The following LRP1 variants were observed in gnomAD, a reference collection of about 807,000 sequenced individuals.
LRP1 encodes LDL receptor related protein 1, also known as prolow-density lipoprotein receptor-related protein 1.
Under a neutral mutation model 541.5 loss-of-function variants are expected in LRP1, and 51 were observed. That is an observed-to-expected ratio of 0.09 (90% confidence interval 0.08 to 0.12). LRP1 has a LOEUF of 0.12. LRP1 is among the 10% of genes least tolerant of loss of function. LRP1 has a pLI of 1.00. For missense variants in LRP1, 3,878 were observed against 6,376.2 expected (o/e 0.61, Z 13.34); for synonymous variants, 2,219 against 2,470.8 (o/e 0.90, Z 3.02).
chr12:57,191,530 C>T lies in LRP1; in HGVS notation c.7429+18C>T, dbSNP rs1222969887. The T allele has an allele frequency of 6.4e-7, 1 of 1,567,686 alleles. No homozygotes were observed. The highest frequency in any genetic ancestry group is 8.7e-7 in the Non-Finnish European group (1 of 1,153,774). ...CAACAGCTGTGAGTGGGGCTGCCGCCAGCTGCCTCACCCTCCTGCCTGTCG... is the reference window on the plus strand; with the variant it reads ...CAACAGCTGTGAGTGGGGCTGCCGCTAGCTGCCTCACCCTCCTGCCTGTCG... On this transcript the variant is annotated intron_variant, in intron 44 of 88. Coordinates refer to ENST00000243077, the MANE Select transcript of LRP1 (RefSeq NM_002332.3).
Position 57,165,559 on chromosome 12 carries a change from A to G in LRP1, c.2531-246A>G. 2.1e-6 allele frequency: 1 copy of G among 478,302 alleles called. No homozygotes were observed. The highest frequency in any genetic ancestry group is 3.8e-6 in the Non-Finnish European group (1 of 264,534). 29.6% of individuals were successfully genotyped at this position (478,302 alleles called of 1,614,324 possible). A position where few individuals can be genotyped will look rare whatever the true frequency, so the allele number is the denominator to read the frequency against. On this transcript the variant is annotated intron_variant, in intron 15 of 88. Coordinates refer to ENST00000243077, the MANE Select transcript of LRP1 (RefSeq NM_002332.3). This position sits in a 1 kb window ranked among gnomAD's most constrained non-coding sequence, Gnocchi z 4.5. ...ATAGAGGCCATGGGCTCTCTTGGAC[A>G]CCATTTGATTCTCAGGTCACACTGA...
At position 57,208,214 on chromosome 12, in the gene LRP1, G is replaced by GGGGT. The variant is rs1417591000; in HGVS notation, c.12038+2_12038+5dup. On this transcript the variant is annotated frameshift_variant and splice_region_variant, in exon 77 of 89. Transcript: ENST00000243077. LOFTEE classifies it high-confidence loss of function. Reference sequence around the variant, plus strand: ...ACGCCATTGTGGTGGACCCACTGAGGGGGTGGGCAAGGGCCCTGGGGGGAG... The same window carrying GGGGT: ...ACGCCATTGTGGTGGACCCACTGAGGGGGTGGGTGGGCAAGGGCCCTGGGGGGAG... 1 of 1,613,088 alleles carries GGGGT rather than the reference G, an allele frequency of 6.2e-7. No individual in the cohort carries two copies. The highest frequency in any genetic ancestry group is 8.5e-7 in the Non-Finnish European group (1 of 1,179,670).
At chr12:57,208,359 G>A (rs1007532022) in intron 77 of LRP1, 143 bp downstream of exon 77, 27 of 886,128 alleles carry the variant, frequency 3.0e-5, no homozygotes, top group Admixed American at 1.9e-4. Flanking sequence ...GGGTCTTCTC[G>A]GCCACCCCTG....
Position 57,157,011 on chromosome 12 carries a change from A to G in LRP1, c.1561+91A>G, listed in dbSNP as rs375694387. Reference sequence around the variant, plus strand: ...CACAGCCCGGCTGCCTCTGTCTGACATGCAGGGAGATGAAGGAAGTGTCCC... The same window carrying G: ...CACAGCCCGGCTGCCTCTGTCTGACGTGCAGGGAGATGAAGGAAGTGTCCC... On this transcript the variant is annotated intron_variant, in intron 10 of 88. Coordinates refer to ENST00000243077, the MANE Select transcript of LRP1 (RefSeq NM_002332.3). 44 of 1,400,120 alleles carry G rather than the reference A, an allele frequency of 3.1e-5. 1 individual carries two copies. The African/African-American group carries it at 4.8e-4, about 15-fold the overall frequency. 86.7% of individuals were successfully genotyped at this position (1,400,120 alleles called of 1,614,324 possible). A position where few individuals can be genotyped will look rare whatever the true frequency, so the allele number is the denominator to read the frequency against.
chr12:57,208,756 G>A lies in LRP1; in HGVS notation c.12084G>A (p.Thr4028=), dbSNP rs149291689. Residue 4028 remains threonine, a synonymous_variant, in exon 78 of 89, where the codon ACG becomes ACA. Transcript: ENST00000243077. ...SDWGNHPKIE[T]AAMDGTLRET... ...GGGGCAACCACCCCAAGATTGAGAC[G>A]GCAGCGATGGATGGGACGCTTCGGG... 133 of 1,614,082 alleles carry A rather than the reference G, an allele frequency of 8.2e-5. No individual in the cohort carries two copies. The highest frequency in any genetic ancestry group is 2.1e-4 in the African/African-American group (16 of 75,040).
At chr12:57,191,727 C>A (rs796871831) in intron 44 of LRP1, among the ~76,000 whole-genome samples, 37 of 31,888 alleles carry the variant, frequency 1.2e-3, no homozygotes, top group Non-Finnish European at 2.2e-4. Context: ...TACACACCCC[C>A]CACACACCAC....
chr12:57,206,810 G>C lies in LRP1; in HGVS notation c.11859+69G>C. On this transcript the variant is annotated intron_variant, in intron 76 of 88. Coordinates refer to ENST00000243077, the MANE Select transcript of LRP1 (RefSeq NM_002332.3). This position sits in a 1 kb window ranked among gnomAD's most constrained non-coding sequence, Gnocchi z 4.7. ...GAGCAGGCGGTTCAGAGCAGGATTT[G>C]AAAAGGGCAGTGCTGGCTAGGCGCA... The C allele has an allele frequency of 6.4e-7, 1 of 1,554,120 alleles. No homozygotes were observed. The highest frequency in any genetic ancestry group is 8.7e-7 in the Non-Finnish European group (1 of 1,146,874).
chr12:57,193,699 A>G lies in LRP1; in HGVS notation c.7804+14A>G, dbSNP rs913562712. 1 of 1,613,944 alleles carries G rather than the reference A, an allele frequency of 6.2e-7. No homozygotes were observed. The highest frequency in any genetic ancestry group is 8.5e-7 in the Non-Finnish European group (1 of 1,180,010). On this transcript the variant is annotated intron_variant, in intron 47 of 88. Coordinates refer to ENST00000243077, the MANE Select transcript of LRP1 (RefSeq NM_002332.3). ...TCCCTTGCAACAGTGAGTGAGGCGC[A>G]CTGGCATAACCCATCTGTACCTCAG...
Position 57,198,527 on chromosome 12 carries a change from C to A in LRP1, c.9533C>A (p.Ser3178Tyr). The change falls in exon 60 of 89, where the codon TCC becomes TAC. Residue 3178 changes from serine to tyrosine, a missense_variant. By Grantham distance (144) the Ser-to-Tyr change is moderately radical (BLOSUM62 -2). Transcript: ENST00000243077. Reference sequence around the variant, plus strand: ...ATCGGCCGCATCGGCATGGATGGGTCCAGCCGCAGCGTCATCGTGGACACC... The same window carrying A: ...ATCGGCCGCATCGGCATGGATGGGTACAGCCGCAGCGTCATCGTGGACACC... ...SLIGRIGMDG[S>Y]SRSVIVDTKI... 1 of 1,614,058 alleles carries A rather than the reference C, an allele frequency of 6.2e-7. No individual in the cohort carries two copies. Among genetic ancestry groups the A allele is most frequent in the Non-Finnish European group, 8.5e-7 (1 of 1,180,028 alleles).
rs570674050 is a variant in LRP1, at chr12:57,197,732, C to T, written c.9282+68C>T. 3.2e-6 allele frequency: 5 copies of T among 1,578,440 alleles called. No homozygotes were observed. In the South Asian group the frequency reaches 3.4e-5, roughly 11 times the overall value. On this transcript the variant is annotated intron_variant, in intron 58 of 88. Transcript: ENST00000243077. This position sits in a 1 kb window ranked among gnomAD's most constrained non-coding sequence, Gnocchi z 4.5. ...GATGACTGTTTTCAGATCGTCTCTC[C>T]TTCCCGCCCCACCAACCCAAATTGC...
intron 62 of LRP1, 156 bp downstream of exon 62, chr12:57,200,181 G>A (rs1460566959): frequency 3.0e-6 from 2 of 673,862 alleles, no homozygotes; most frequent in Non-Finnish European, 5.1e-6. Context: ...TCTCCCCACA[G>A]CAATACTTTT....
intron 61 of LRP1, 116 bp from the exon 62 acceptor site, chr12:57,199,761 C>A: frequency 7.9e-7 from 1 of 1,260,480 alleles, no homozygotes; most frequent in Non-Finnish European, 1.1e-6. Flanking sequence ...AGCTTCAGCT[C>A]CCTCCTAAAA....
intron 68 of LRP1, chr12:57,202,979 G>T: frequency 1.7e-6 from 1 of 580,362 alleles, no homozygotes. Flanking sequence ...TCTGTCCCAT[G>T]GGGTAAGTGC....
intron 3 of LRP1, 125 bp downstream of exon 3, chr12:57,141,636 C>A (rs1648202437): frequency 4.8e-6 from 6 of 1,252,672 alleles, no homozygotes; most frequent in Non-Finnish European, 6.7e-6. Context: ...CCTAGATTTA[C>A]CTTCAGAGAG....
chr12:57,194,711 C>G lies in LRP1; in HGVS notation c.8191+12C>G. ...CGAGACCCACTGCAGTGAGTGACCA[C>G]TGCACCCACTCAGTGCTCCAAGAGC... On this transcript the variant is annotated intron_variant, in intron 50 of 88. Coordinates refer to ENST00000243077, the MANE Select transcript of LRP1 (RefSeq NM_002332.3). The G allele has an allele frequency of 1.3e-6, 2 of 1,541,860 alleles. No homozygotes were observed. Among genetic ancestry groups the G allele is most frequent in the Non-Finnish European group, 1.7e-6 (2 of 1,144,128 alleles).
chr12:57,199,168 G>A (rs751292249), intron 60 of LRP1, 44 bp from the exon 61 acceptor site: 10 of 1,593,784 alleles, frequency 6.3e-6, no homozygotes, highest in South Asian at 4.4e-5. Flanking sequence ...CACCCTGTCC[G>A]AGCTCCGGCT....
chr12:57,183,307 T>A lies in LRP1; in HGVS notation c.5663-72T>A, dbSNP rs1276079599. The A allele has an allele frequency of 4.0e-6, 6 of 1,498,092 alleles. No homozygotes were observed. The East Asian group carries it at 1.1e-4, about 29-fold the overall frequency. 92.8% of individuals were successfully genotyped at this position (1,498,092 alleles called of 1,614,324 possible). On this transcript the variant is annotated intron_variant, in intron 34 of 88. Transcript: ENST00000243077. This position sits in a 1 kb window ranked among gnomAD's most constrained non-coding sequence, Gnocchi z 6.1. ...ATATCAAAGGAGAAGCAGAGAACAGTTGGAGGGTGACAGGAACCAAGTTTA... is the reference window on the plus strand; with the variant it reads ...ATATCAAAGGAGAAGCAGAGAACAGATGGAGGGTGACAGGAACCAAGTTTA...
Position 57,183,172 on chromosome 12 carries a change from G to A in LRP1, c.5663-207G>A, listed in dbSNP as rs2036200678. ...CTCATGGTGGCTAGGGGTCCTGCAG[G>A]TGGTTCCCCAGAGCTACCAGCCAGG... On this transcript the variant is annotated intron_variant, in intron 34 of 88. Coordinates refer to ENST00000243077, the MANE Select transcript of LRP1 (RefSeq NM_002332.3). This position sits in a 1 kb window ranked among gnomAD's most constrained non-coding sequence, Gnocchi z 6.1. 6.6e-6 allele frequency among the ~76,000 whole-genome samples: 1 copy of A among 152,120 alleles called. No homozygotes were observed. Among genetic ancestry groups the A allele is most frequent in the South Asian group, 2.1e-4 (1 of 4,828 alleles).
At position 57,198,498 on chromosome 12, in the gene LRP1, A is replaced by G; in HGVS notation, c.9504A>G (p.Ser3168=). ...ACTGGACAGACTGGGGTGACCATTC[A>G]CTGATCGGCCGCATCGGCATGGATG... ...YLYWTDWGDH[S]LIGRIGMDGS... Residue 3168 remains serine (S), a synonymous_variant, in exon 60 of 89, where the codon TCA becomes TCG. Coordinates refer to ENST00000243077, the MANE Select transcript of LRP1 (RefSeq NM_002332.3). 6.2e-7 allele frequency: 1 copy of G among 1,614,026 alleles called. No homozygotes were observed. Among genetic ancestry groups the G allele is most frequent in the African/African-American group, 1.3e-5 (1 of 75,052 alleles).
Sources: gnomAD v4.1 joint callset for allele counts (sites outside exome capture counted in the v4.1 genomes callset) on GRCh38, gnomAD v4.1.1 for gene constraint, Gnocchi (gnomAD v3.1) non-coding constraint, MANE v1.5 for transcripts, NCBI Gene and HGNC (gene_info 2026-07-23, HGNC 2026-07-21) for gene names.